WARS2: variants seen among roughly 807,000 people sequenced by gnomAD.
WARS2 encodes the protein tryptophan--tRNA ligase, mitochondrial.
In WARS2, 28 loss-of-function variants were observed where a neutral mutation model predicts 36.5. The observed-to-expected ratio is 0.77, with a 90% CI of 0.57 to 1.05. WARS2 has a LOEUF of 1.05. Ranked by LOEUF, WARS2 falls within the 50% of genes least tolerant of loss-of-function variation. The pLI, the probability that WARS2 is intolerant of heterozygous loss-of-function variation, is 0.00. For missense variants in WARS2, 435 were observed against 456.8 expected (o/e 0.95, Z 0.44); for synonymous variants, 174 against 178.4 (o/e 0.98, Z 0.20).
chr1:119,110,618 ATTTG>A (rs988347617), intron 1 of WARS2, among the ~76,000 whole-genome samples: 1 of 150,828 alleles, frequency 6.6e-6, no homozygotes, highest in African/African-American at 2.4e-5. Flanking sequence ...TGGGGGTTTT[ATTTG>A]TTTGCTTTTG....
intron 1 of WARS2, chr1:119,086,040 C>T (rs1652634491): frequency 1.8e-5 from 26 of 1,410,328 alleles, no homozygotes; most frequent in South Asian, 2.6e-5. Context: ...TTAAATTTCT[C>T]GTAGAGGCAA....
chr1:119,088,006 T>C (rs1652795088), intron 1 of WARS2, among the ~76,000 whole-genome samples: 1 of 152,174 alleles, frequency 6.6e-6, no homozygotes, highest in Non-Finnish European at 1.5e-5. Context: ...GAGCGGGGCT[T>C]ATCCCAGAAG....
At chr1:119,120,450 T>A (rs1209337804) in intron 1 of WARS2, among the ~76,000 whole-genome samples, 3 of 152,068 alleles carry the variant, frequency 2.0e-5, no homozygotes, top group Non-Finnish European at 4.4e-5. Flanking sequence ...CCAGATGGAT[T>A]CACAGCCGAA....
At chr1:119,097,343 C>A (rs766431988) in intron 1 of WARS2, among the ~76,000 whole-genome samples, 3 of 152,124 alleles carry the variant, frequency 2.0e-5, no homozygotes, top group Admixed American at 6.5e-5. Flanking sequence ...TTTTTCCTGA[C>A]CTCCCACCCC....
At chr1:119,065,092 G>T (rs1321093561) in intron 2 of WARS2, among the ~76,000 whole-genome samples, 1 of 152,044 alleles carries the variant, frequency 6.6e-6, no homozygotes, top group Non-Finnish European at 1.5e-5. Context: ...TAAAAAAAGA[G>T]CCCTGTACTT....
At chr1:119,035,867 A>C (rs1443887105) in intron 4 of WARS2, among the ~76,000 whole-genome samples, 1 of 152,218 alleles carries the variant, frequency 6.6e-6, no homozygotes, top group Non-Finnish European at 1.5e-5. Flanking sequence ...AAATGTAAGG[A>C]CCATGACAGC....
At chr1:119,119,134 A>C (rs56083438) in intron 1 of WARS2, among the ~76,000 whole-genome samples, 3,086 of 152,252 alleles carry the variant, frequency 0.02, 114 homozygotes, top group African/African-American at 0.07. Context: ...ACAGAATGGG[A>C]GGATGGATAA....
chr1:119,122,569 T>C (rs1328493057), intron 1 of WARS2, among the ~76,000 whole-genome samples: 1 of 152,082 alleles, frequency 6.6e-6, no homozygotes, highest in Non-Finnish European at 1.5e-5. Flanking sequence ...AATAAGTCAT[T>C]ATATGAAAAA....
chr1:119,073,393 A>G (rs1464578209), intron 2 of WARS2, among the ~76,000 whole-genome samples: 1 of 152,190 alleles, frequency 6.6e-6, no homozygotes, highest in African/African-American at 2.4e-5. Context: ...CGAAATGGCT[A>G]AGACCAAGTT....
At chr1:119,070,803 A>C (rs1254935428) in intron 2 of WARS2, among the ~76,000 whole-genome samples, 1 of 152,066 alleles carries the variant, frequency 6.6e-6, no homozygotes, top group Non-Finnish European at 1.5e-5. Context: ...AAATCTGAAA[A>C]TGATATGATT....
At chr1:119,110,775 A>G (rs1439800172) in intron 1 of WARS2, among the ~76,000 whole-genome samples, 1 of 151,928 alleles carries the variant, frequency 6.6e-6, no homozygotes, top group Non-Finnish European at 1.5e-5. Flanking sequence ...TATTCTCATT[A>G]CATGTATTTG....
At chr1:119,116,288 T>C (rs1654965866) in intron 1 of WARS2, among the ~76,000 whole-genome samples, 1 of 152,020 alleles carries the variant, frequency 6.6e-6, no homozygotes. Flanking sequence ...AAGAAATAAA[T>C]ACGTTTACCT....
chr1:119,121,239 T>C (rs1190223132), intron 1 of WARS2, among the ~76,000 whole-genome samples: 1 of 152,160 alleles, frequency 6.6e-6, no homozygotes, highest in Non-Finnish European at 1.5e-5. Context: ...AGCACTGCTA[T>C]ACACCAATAG....
At chr1:119,035,143 T>C (rs1647766278) in intron 4 of WARS2, among the ~76,000 whole-genome samples, 1 of 152,174 alleles carries the variant, frequency 6.6e-6, no homozygotes. Flanking sequence ...GATCATGACA[T>C]AGTACATCAA....
At position 119,033,112 on chromosome 1, in the gene WARS2, G is replaced by A. The variant is rs1165413282; in HGVS notation, c.882C>T (p.Ser294=). The change falls in exon 6 of 6, where the codon AGC becomes AGT. Residue 294 remains serine, a synonymous_variant. Transcript: ENST00000235521. ...GLSVEEVVRR[S]AGMNTARYKL... ...TGTAGCGAGCAGTGTTCATGCCCGC[G>A]CTGCGGCGCACCACTTCCTCCACGG... is the stretch of plus-strand genomic sequence containing the variant. The A allele has an allele frequency of 5.0e-6, 8 of 1,614,038 alleles. No individual in the cohort carries two copies. Among genetic ancestry groups the A allele is most frequent in the Admixed American group, 1.7e-5 (1 of 60,012 alleles).
rs529497355 is a variant in WARS2, at chr1:119,053,244, G to A, written c.349-7582C>T. On this transcript the variant is annotated intron_variant, in intron 2 of 5. Transcript: ENST00000235521. ...AAGAAGAGGAAAAATGGAGAAGGAGGAGGAGAAAGAGGAGAGGAAGAAAGA... is the reference window on the plus strand; with the variant it reads ...AAGAAGAGGAAAAATGGAGAAGGAGAAGGAGAAAGAGGAGAGGAAGAAAGA... Among the ~76,000 whole-genome samples the A allele has an allele frequency of 9.9e-5, 15 of 152,258 alleles. No homozygotes were observed. In the South Asian group the frequency reaches 2.3e-3, roughly 23 times the overall value.
At chr1:119,079,896 A>G (rs1652057918) in intron 1 of WARS2, among the ~76,000 whole-genome samples, 1 of 152,168 alleles carries the variant, frequency 6.6e-6, no homozygotes. Flanking sequence ...ACACACATAA[A>G]AGGCTTTCAA....
At chr1:119,035,357 T>C (rs541697372) in intron 4 of WARS2, among the ~76,000 whole-genome samples, 1 of 152,276 alleles carries the variant, frequency 6.6e-6, no homozygotes, top group South Asian at 2.1e-4. Context: ...CAGCGAGCCA[T>C]CATAGGCAAG....
intron 2 of WARS2, chr1:119,064,001 C>G (rs1650620446): frequency 6.6e-6 from 1 of 152,234 alleles, no homozygotes; most frequent in Non-Finnish European, 1.5e-5. Flanking sequence ...ACAGCTTGCA[C>G]CGTGAGCCTG....
Sources: gnomAD v4.1 joint callset for allele counts (sites outside exome capture counted in the v4.1 genomes callset) on GRCh38, gnomAD v4.1.1 for gene constraint, MANE v1.5 for transcripts, NCBI Gene and HGNC (gene_info 2026-07-23, HGNC 2026-07-21) for gene names.